The following EPC1 variants were observed in gnomAD, a reference collection of about 807,000 sequenced individuals.
The protein encoded by EPC1 is enhancer of polycomb homolog 1.
A neutral mutation model predicts 98.4 loss-of-function variants in EPC1; 12 were observed. The observed-to-expected ratio is 0.12, with a 90% CI of 0.08 to 0.20. The LOEUF is 0.20. Ranked by LOEUF, EPC1 falls within the 10% of genes least tolerant of loss-of-function variation. EPC1 has a pLI of 1.00. For missense variants in EPC1, 729 were observed against 990.5 expected (o/e 0.74, Z 3.54); for synonymous variants, 357 against 363.9 (o/e 0.98, Z 0.21).
intron 3 of EPC1, 46 bp from the exon 4 acceptor site, chr10:32,293,240 G>C (rs1179026962): frequency 1.5e-6 from 2 of 1,357,530 alleles, no homozygotes; most frequent in African/African-American, 1.5e-5. Flanking sequence ...ACACATACAA[G>C]GTTCATAAGT....
intron 1 of EPC1, among the ~76,000 whole-genome samples, chr10:32,320,832 C>G (rs1322562253): frequency 2.6e-5 from 4 of 152,230 alleles, no homozygotes; most frequent in Middle Eastern, 3.2e-3. Context: ...AGTGAACCAC[C>G]TGCCTCAGCC....
intron 1 of EPC1, among the ~76,000 whole-genome samples, chr10:32,335,325 G>T (rs564617430): frequency 6.6e-6 from 1 of 152,122 alleles, no homozygotes; most frequent in African/African-American, 2.4e-5. Context: ...CACCCTTCCT[G>T]ACTGTCTCAA....
intron 6 of EPC1, among the ~76,000 whole-genome samples, chr10:32,288,547 C>T (rs765953032): frequency 1.2e-4 from 18 of 151,412 alleles, no homozygotes; most frequent in African/African-American, 2.4e-4. Context: ...GATGGGGTTT[C>T]GCCATGTTGG....
intron 1 of EPC1, among the ~76,000 whole-genome samples, chr10:32,342,704 C>T (rs1564557969): frequency 6.6e-6 from 1 of 152,112 alleles, no homozygotes; most frequent in East Asian, 1.9e-4. Flanking sequence ...GTCTAGGTAA[C>T]AGGAGAGGAA....
At chr10:32,313,394 G>T (rs967050353) in intron 1 of EPC1, among the ~76,000 whole-genome samples, 3 of 152,060 alleles carry the variant, frequency 2.0e-5, no homozygotes, top group Non-Finnish European at 4.4e-5. Context: ...CACTGCAGAG[G>T]TTACACTCTA....
At chr10:32,295,160 G>A (rs1835076190) in intron 2 of EPC1, among the ~76,000 whole-genome samples, 1 of 152,072 alleles carries the variant, frequency 6.6e-6, no homozygotes, top group Non-Finnish European at 1.5e-5. Flanking sequence ...TCTCTTTAGG[G>A]AGAGGCATGC....
chr10:32,349,718 C>A (rs1226543311), upstream of EPC1, among the ~76,000 whole-genome samples: 1 of 152,198 alleles, frequency 6.6e-6, no homozygotes. Context: ...CCTCCTGCCT[C>A]AGCCATCAGT....
rs1264894110 is a variant in EPC1 at position 32,332,335 on chromosome 10, G to A, written c.153+14428C>T. ...GCCCACTGAGAGAGCATGAAGCACAGTATAGTTCAGTTCACTGAGCAGAGG... is the reference window on the plus strand; with the variant it reads ...GCCCACTGAGAGAGCATGAAGCACAATATAGTTCAGTTCACTGAGCAGAGG... On this transcript the variant is annotated intron_variant, in intron 1 of 13. Coordinates refer to ENST00000319778, the MANE Select transcript of EPC1 (RefSeq NM_001272004.3). 3.9e-5 allele frequency among the ~76,000 whole-genome samples: 6 copies of A among 152,284 alleles called. No individual in the cohort carries two copies. In the East Asian group the frequency reaches 1.2e-3, roughly 29 times the overall value.
intron 4 of EPC1, 72 bp downstream of exon 4, chr10:32,292,916 G>A: frequency 1.0e-6 from 1 of 1,002,708 alleles, no homozygotes; most frequent in Non-Finnish European, 1.4e-6. Flanking sequence ...TTAAACCACA[G>A]TATTGAGACA....
chr10:32,377,690 C>T (rs1403851346), intron 1 of EPC1, among the ~76,000 whole-genome samples: 1 of 152,072 alleles, frequency 6.6e-6, no homozygotes, highest in Non-Finnish European at 1.5e-5. Context: ...TCTTGCCCCA[C>T]CTCTTTTTTT....
chr10:32,347,253 G>A, upstream of EPC1: 1 of 1,160,830 alleles, frequency 8.6e-7, no homozygotes, highest in Non-Finnish European at 1.1e-6. Flanking sequence ...CGAGGCCGGC[G>A]CCGGCACGAA....
intron 1 of EPC1, among the ~76,000 whole-genome samples, chr10:32,377,809 AG>A (rs1408734128): frequency 3.3e-5 from 5 of 152,202 alleles, no homozygotes; most frequent in Non-Finnish European, 7.3e-5. Flanking sequence ...GTGTGCAAAA[AG>A]AAAAAAAATT....
At chr10:32,311,085 C>A (rs887571293) in intron 1 of EPC1, among the ~76,000 whole-genome samples, 1 of 151,800 alleles carries the variant, frequency 6.6e-6, no homozygotes, top group Non-Finnish European at 1.5e-5. Context: ...CCAAGGCGGG[C>A]GGATCACGAG....
intron 1 of EPC1, among the ~76,000 whole-genome samples, chr10:32,364,672 G>A (rs1407324963): frequency 6.6e-6 from 1 of 152,018 alleles, no homozygotes; most frequent in Non-Finnish European, 1.5e-5. Flanking sequence ...AGAAAATAGG[G>A]AATACATGAA....
At chr10:32,273,358 C>T (rs1835929960) in intron 10 of EPC1, 77 bp from the exon 11 acceptor site, 2 of 1,516,770 alleles carry the variant, frequency 1.3e-6, no homozygotes, top group South Asian at 2.6e-5. Flanking sequence ...AACAAAAATT[C>T]TGCATTAAAT....
At chr10:32,279,025 G>C (rs573012828) in intron 10 of EPC1, among the ~76,000 whole-genome samples, 17 of 152,224 alleles carry the variant, frequency 1.1e-4, no homozygotes, top group African/African-American at 3.6e-4. Context: ...CTCTGCTACA[G>C]ATGTTATATA....
intron 1 of EPC1, among the ~76,000 whole-genome samples, chr10:32,310,619 A>G (rs1836153360): frequency 1.3e-5 from 2 of 152,246 alleles, no homozygotes; most frequent in Non-Finnish European, 1.5e-5. Context: ...GTTTTCTTGT[A>G]CAAAATATTT....
In EPC1 at chr10:32,269,141, G is replaced by A; in HGVS notation, c.2370-6C>T. The A allele has an allele frequency of 6.2e-7, 1 of 1,612,062 alleles. No homozygotes were observed. Among genetic ancestry groups the A allele is most frequent in the Non-Finnish European group, 8.5e-7 (1 of 1,178,636 alleles). On this transcript the variant is annotated splice_polypyrimidine_tract_variant and splice_region_variant and intron_variant, in intron 13 of 13. Transcript: ENST00000319778. ...TTTCTGATTCATGATTTTCCCTGTT[G>A]AAATAAAGTTCAATCAATTACTTAT...
intron 1 of EPC1, among the ~76,000 whole-genome samples, chr10:32,333,454 A>G (rs1837762751): frequency 6.6e-6 from 1 of 152,222 alleles, no homozygotes; most frequent in Admixed American, 6.5e-5. Context: ...TCTGCTATAT[A>G]CAGCAAAAAA....
Sources: gnomAD v4.1 joint callset for allele counts (sites outside exome capture counted in the v4.1 genomes callset) on GRCh38, gnomAD v4.1.1 for gene constraint, MANE v1.5 for transcripts, NCBI Gene and HGNC (gene_info 2026-07-23, HGNC 2026-07-21) for gene names.